PRKCZ: variants seen among roughly 807,000 people sequenced by gnomAD.
PRKCZ encodes protein kinase C zeta, also known as protein kinase C zeta type.
A neutral mutation model predicts 79.5 loss-of-function variants in PRKCZ; 33 were observed. The ratio of observed to expected loss-of-function variants is 0.41; its 90% CI spans 0.31 to 0.55. The LOEUF is 0.55. Among genes scored for constraint, PRKCZ ranks in the 20% least tolerant of loss-of-function variants. The pLI, the probability that PRKCZ is intolerant of heterozygous loss-of-function variation, is 0.19. For missense variants in PRKCZ, 578 were observed against 813.5 expected, an observed-to-expected ratio of 0.71 and a Z score of 3.52; for synonymous variants, 342 against 320.9, an observed-to-expected ratio of 1.07 and a Z score of -0.70.
chr1:2,071,123 C>G (rs988063674), intron 4 of PRKCZ, among the ~76,000 whole-genome samples: 10 of 150,634 alleles, frequency 6.6e-5, no homozygotes, highest in Non-Finnish European at 1.3e-4. Context: ...AGGTTCAAAC[C>G]CCACCGGCAG....
chr1:2,101,056 A>G (rs72914902), intron 4 of PRKCZ, among the ~76,000 whole-genome samples: 66 of 148,876 alleles, frequency 4.4e-4, no homozygotes, highest in Non-Finnish European at 6.2e-4. Flanking sequence ...AGATGATTCT[A>G]CTTTGTAGAG....
In PRKCZ at chr1:2,149,498, G is replaced by A. The variant is rs1343086131; in HGVS notation, c.687+574G>A. 6.6e-6 allele frequency among the ~76,000 whole-genome samples: 1 copy of A among 151,492 alleles called. No individual in the cohort carries two copies. Among genetic ancestry groups the A allele is most frequent in the East Asian group, 1.9e-4 (1 of 5,182 alleles). On this transcript the variant is annotated intron_variant, in intron 8 of 17. Coordinates refer to ENST00000378567, the MANE Select transcript of PRKCZ (RefSeq NM_002744.6). The surrounding 1 kb of genome is among the most constrained non-coding windows in gnomAD (Gnocchi z 4.1). ...CCACTCCTTTCCAGAGCACCAACAA[G>A]TGTCACCCTCACAACTCGTGCTCCT...
At position 2,165,257 on chromosome 1, in the gene PRKCZ, G is replaced by T. The variant is rs1014772451; in HGVS notation, c.975-4261G>T. On this transcript the variant is annotated intron_variant, in intron 10 of 17. Coordinates refer to ENST00000378567, the MANE Select transcript of PRKCZ (RefSeq NM_002744.6). The surrounding 1 kb of genome is among the most constrained non-coding windows in gnomAD (Gnocchi z 4.1). ...CGAGTCAGGAATCTGATTTTCCAGC[G>T]TGCCCTGTAATGACGGTGCTGTCAC... Among the ~76,000 whole-genome samples, 1 of 152,144 alleles carries T rather than the reference G, an allele frequency of 6.6e-6. No individual in the cohort carries two copies. Among genetic ancestry groups the T allele is most frequent in the Admixed American group, 6.5e-5 (1 of 15,274 alleles).
chr1:2,073,567 G>C, intron 4 of PRKCZ: 6 of 956,614 alleles, frequency 6.3e-6, no homozygotes, highest in Non-Finnish European at 7.5e-6. Context: ...GCTGCTGCCC[G>C]CCCGCTCTCT....
chr1:2,162,476 C>T (rs1682508785), intron 10 of PRKCZ, among the ~76,000 whole-genome samples: 1 of 152,184 alleles, frequency 6.6e-6, no homozygotes, highest in Admixed American at 6.5e-5. Flanking sequence ...CACACATTAC[C>T]TGGGGCGAAA....
chr1:2,120,307 T>TG (rs1321535010), intron 4 of PRKCZ, among the ~76,000 whole-genome samples: 2 of 132,088 alleles, frequency 1.5e-5, no homozygotes, highest in East Asian at 4.2e-4. Flanking sequence ...TTTTTTTTTT[T>TG]TTTTTTTTTT....
At position 2,059,547 on chromosome 1, in the gene PRKCZ, C is replaced by G; in HGVS notation, c.290C>G (p.Pro97Arg). The change falls in exon 4 of 18, where the codon CCG becomes CGG. Residue 97 changes from proline (P) to arginine (R), a missense_variant. By Grantham distance (103) the Pro-to-Arg change is moderately radical. Around this residue, in one of 4 missense-constraint regions of PRKCZ, gnomAD observed 228 missense variants for 211.6 expected, o/e 1.08. Coordinates refer to ENST00000378567, the MANE Select transcript of PRKCZ (RefSeq NM_002744.6). The part of the protein sequence containing the change: ...RDEGLIIHVF[P>R]STPEQPGLPC... ...CTTTCTCTCTCTTGTCCAGTTTTCCCGAGCACCCCTGAGCAGCCTGGCCTG... is the reference window on the plus strand; with the variant it reads ...CTTTCTCTCTCTTGTCCAGTTTTCCGGAGCACCCCTGAGCAGCCTGGCCTG... 2.5e-6 allele frequency: 4 copies of G among 1,614,190 alleles called. No homozygotes were observed. The highest frequency in any genetic ancestry group is 3.4e-6 in the Non-Finnish European group (4 of 1,180,016).
intron 9 of PRKCZ, among the ~76,000 whole-genome samples, chr1:2,153,009 C>T (rs569780158): frequency 1.3e-4 from 20 of 152,338 alleles, no homozygotes; most frequent in African/African-American, 4.6e-4. Flanking sequence ...CCTAGCAGTA[C>T]AGTTGCTGGG....
rs1269288460 is a variant in PRKCZ at position 2,106,734 on chromosome 1, C to G, written c.335-28528C>G. Among the ~76,000 whole-genome samples, 4 of 118,614 alleles carry G rather than the reference C, an allele frequency of 3.4e-5. 1 individual carries two copies. The highest frequency in any genetic ancestry group is 1.6e-4 in the African/African-American group (4 of 25,746). The allele number at this position is 118,614 out of a possible 152,430, so 77.8% of individuals were successfully genotyped here. Reference sequence around the variant, plus strand: ...AGGACCTCCATGCGTGTCACCAGGCCAGGTAACTCTCAGCAAGCCCCTCTG... The same window carrying G: ...AGGACCTCCATGCGTGTCACCAGGCGAGGTAACTCTCAGCAAGCCCCTCTG... On this transcript the variant is annotated intron_variant, in intron 4 of 17. Coordinates refer to ENST00000378567, the MANE Select transcript of PRKCZ (RefSeq NM_002744.6).
chr1:2,065,678 C>CAAAAAAAAAAAAAAAAAAAA (rs61017134), intron 4 of PRKCZ, among the ~76,000 whole-genome samples: 1 of 56,106 alleles, frequency 1.8e-5, no homozygotes, highest in East Asian at 4.5e-4. Context: ...GACTCTGTCT[C>CAAAAAAAAAAAAAAAAAAAA]AAAAAAAAAA....
At position 2,125,011 on chromosome 1, in the gene PRKCZ, C is replaced by T. The variant is rs1232284830; in HGVS notation, c.335-10251C>T. ...TGGTTCTGAGTTATTGTGACTCAGC[C>T]GCACGTCCTCCCAGGGGCCTTGCCA... On this transcript the variant is annotated intron_variant, in intron 4 of 17. Transcript: ENST00000378567. This position sits in a 1 kb window ranked among gnomAD's most constrained non-coding sequence, Gnocchi z 4.2. Among the ~76,000 whole-genome samples, 1 of 152,194 alleles carries T rather than the reference C, an allele frequency of 6.6e-6. No individual in the cohort carries two copies. The highest frequency in any genetic ancestry group is 1.5e-5 in the Non-Finnish European group (1 of 68,038).
At position 2,168,263 on chromosome 1, in the gene PRKCZ, T is replaced by C. The variant is rs1332996176; in HGVS notation, c.975-1255T>C. ...AGATGCACCAGTGAGCATAGCCTCGTTCCAATAAAACTTTATTTACAAAAC... is the reference window on the plus strand; with the variant it reads ...AGATGCACCAGTGAGCATAGCCTCGCTCCAATAAAACTTTATTTACAAAAC... On this transcript the variant is annotated intron_variant, in intron 10 of 17. Coordinates refer to ENST00000378567, the MANE Select transcript of PRKCZ (RefSeq NM_002744.6). This position sits in a 1 kb window ranked among gnomAD's most constrained non-coding sequence, Gnocchi z 4.7. Among the ~76,000 whole-genome samples, 2 of 152,066 alleles carry C rather than the reference T, an allele frequency of 1.3e-5. No individual in the cohort carries two copies. Among genetic ancestry groups the C allele is most frequent in the African/African-American group, 4.8e-5 (2 of 41,386 alleles).
chr1:2,071,324 C>T, intron 4 of PRKCZ: 1 of 469,662 alleles, frequency 2.1e-6, no homozygotes, highest in South Asian at 1.5e-5. Context: ...AAGAGAGCGG[C>T]CCCACCGAGT....
chr1:2,086,817 T>G (rs780035841), intron 4 of PRKCZ, among the ~76,000 whole-genome samples: 21 of 152,348 alleles, frequency 1.4e-4, no homozygotes, highest in Non-Finnish European at 2.5e-4. Flanking sequence ...TTCGCTCGTG[T>G]GCTCTGCCTT....
chr1:2,109,630 G>A (rs1315272188), intron 4 of PRKCZ, among the ~76,000 whole-genome samples: 1 of 152,180 alleles, frequency 6.6e-6, no homozygotes, highest in Non-Finnish European at 1.5e-5. Flanking sequence ...GGAGAGTCCC[G>A]GCCGTGGTGA....
intron 4 of PRKCZ, among the ~76,000 whole-genome samples, chr1:2,130,166 G>A (rs935242350): frequency 6.6e-6 from 1 of 152,164 alleles, no homozygotes; most frequent in Non-Finnish European, 1.5e-5. Context: ...TCGACCTACC[G>A]AGGTAGTGGG....
At chr1:2,182,180 G>A (rs1686732012) in intron 16 of PRKCZ, 2 of 223,204 alleles carry the variant, frequency 9.0e-6, no homozygotes, top group South Asian at 5.1e-5. Flanking sequence ...TTTTTTCCAC[G>A]ATTCCGTTCC....
At chr1:2,062,160 T>A (rs935492525) in intron 4 of PRKCZ, among the ~76,000 whole-genome samples, 1 of 152,164 alleles carries the variant, frequency 6.6e-6, no homozygotes, top group Non-Finnish European at 1.5e-5. Flanking sequence ...TATAGATTTT[T>A]AAAAAAATTC....
intron 10 of PRKCZ, among the ~76,000 whole-genome samples, chr1:2,167,403 A>G (rs748752201): frequency 5.3e-5 from 8 of 151,890 alleles, no homozygotes; most frequent in African/African-American, 1.7e-4. Flanking sequence ...TCCCCGTCCT[A>G]TGGGCCGTGA....
Sources: gnomAD v4.1 joint callset for allele counts (sites outside exome capture counted in the v4.1 genomes callset) on GRCh38, gnomAD v4.1.1 for gene constraint, gnomAD v4.1.1 regional missense constraint, Gnocchi (gnomAD v3.1) non-coding constraint, MANE v1.5 for transcripts, NCBI Gene and HGNC (gene_info 2026-07-23, HGNC 2026-07-21) for gene names.